USP28: variants seen among roughly 807,000 people sequenced by gnomAD.
USP28 encodes ubiquitin carboxyl-terminal hydrolase 28.
A neutral mutation model predicts 145.0 loss-of-function variants in USP28; 113 were observed. The ratio of observed to expected loss-of-function variants is 0.78; its 90% CI spans 0.67 to 0.91. The LOEUF is 0.91. Ranked by LOEUF, USP28 falls within the 40% of genes least tolerant of loss-of-function variation. USP28 has a pLI of 0.00. For synonymous variants in USP28, 447 were observed against 450.9 expected, an observed-to-expected ratio of 0.99 and a Z score of 0.11; for missense variants, 1,201 against 1,289.6, an observed-to-expected ratio of 0.93 and a Z score of 1.05.
At chr11:113,863,706 G>A (rs370650853) in intron 1 of USP28, among the ~76,000 whole-genome samples, 2 of 151,658 alleles carry the variant, frequency 1.3e-5, no homozygotes, top group East Asian at 3.9e-4. Flanking sequence ...AGCACTTTGG[G>A]AGGCTGAGGC....
chr11:113,821,351 C>G (rs969080171), intron 12 of USP28: 13 of 227,922 alleles, frequency 5.7e-5, no homozygotes, highest in African/African-American at 3.0e-4. Context: ...GTCCTGTGTC[C>G]AGCATCTCAC....
At chr11:113,875,354 C>T in intron 1 of USP28, 91 bp downstream of exon 1, 1 of 1,066,910 alleles carries the variant, frequency 9.4e-7, no homozygotes, top group Non-Finnish European at 1.2e-6. Flanking sequence ...GCGCCCTCCG[C>T]AGCCCGCAAC....
Position 113,829,355 on chromosome 11 carries a change from G to C in USP28, c.911-10C>G. Reference sequence around the variant, plus strand: ...TTACAAAAGGGTTTTCCTAGGCAAAGAGAGAGACTTTTTAAAAAAGACATC... The same window carrying C: ...TTACAAAAGGGTTTTCCTAGGCAAACAGAGAGACTTTTTAAAAAAGACATC... On this transcript the variant is annotated splice_polypyrimidine_tract_variant and intron_variant, in intron 9 of 24. Transcript: ENST00000003302. The C allele has an allele frequency of 6.2e-7, 1 of 1,611,890 alleles. No homozygotes were observed. Among genetic ancestry groups the C allele is most frequent in the South Asian group, 1.1e-5 (1 of 91,034 alleles).
exon 11 of USP28, chr11:113,827,359 C>T (rs781721345): frequency 7.5e-6 from 12 of 1,590,310 alleles, no homozygotes; most frequent in Admixed American, 7.4e-5. Flanking sequence ...TGTAAACCAA[C>T]GCTAGTGTCA....
chr11:113,854,143 A>C (rs1443900499), intron 2 of USP28, 115 bp downstream of exon 2: 2 of 902,386 alleles, frequency 2.2e-6, no homozygotes, highest in African/African-American at 3.4e-5. Flanking sequence ...TGACCTGTAG[A>C]GCTTCTGTCC....
At chr11:113,840,481 A>G (rs998452163) in intron 5 of USP28, 117 bp downstream of exon 5, 3 of 1,321,478 alleles carry the variant, frequency 2.3e-6, no homozygotes, top group South Asian at 3.1e-5. Context: ...TGCCAGAAAA[A>G]CTCCCCTAAT....
chr11:113,827,110 A>G (rs1157985475), intron 11 of USP28, 123 bp downstream of exon 11: 1 of 1,263,310 alleles, frequency 7.9e-7, no homozygotes, highest in Non-Finnish European at 1.1e-6. Flanking sequence ...ACCTAGACTC[A>G]TAGAATCCAA....
At chr11:113,867,201 G>T (rs1948357614) in intron 1 of USP28, among the ~76,000 whole-genome samples, 1 of 152,128 alleles carries the variant, frequency 6.6e-6, no homozygotes, top group African/African-American at 2.4e-5. Context: ...AAATGTTTTA[G>T]AACTAGACGG....
chr11:113,806,636 G>A (rs1940020583), intron 18 of USP28, 52 bp from the exon 20 acceptor site: 1 of 1,307,508 alleles, frequency 7.6e-7, no homozygotes, highest in Non-Finnish European at 1.1e-6. Flanking sequence ...GAAAGGTTCA[G>A]CAGAAGACTG....
chr11:113,843,069 A>G (rs1945388514), intron 3 of USP28, among the ~76,000 whole-genome samples: 1 of 152,088 alleles, frequency 6.6e-6, no homozygotes, highest in Non-Finnish European at 1.5e-5. Flanking sequence ...CGTCTCTACT[A>G]AAAATACAAA....
intron 21 of USP28, among the ~76,000 whole-genome samples, chr11:113,804,400 A>G (rs1939576447): frequency 6.6e-6 from 1 of 152,226 alleles, no homozygotes; most frequent in Non-Finnish European, 1.5e-5. Context: ...AACCAAAAGC[A>G]TGATTTCAAG....
chr11:113,841,836 A>G, intron 3 of USP28, 68 bp from the exon 4 acceptor site: 2 of 1,113,450 alleles, frequency 1.8e-6, no homozygotes, highest in Non-Finnish European at 2.6e-6. Context: ...ATATAAGAAA[A>G]AGGTAAAGAC....
intron 2 of USP28, among the ~76,000 whole-genome samples, chr11:113,853,387 A>G (rs961766261): frequency 4.6e-5 from 7 of 151,948 alleles, no homozygotes; most frequent in African/African-American, 1.7e-4. Context: ...TTTTATGAGG[A>G]AACATTTCTA....
intron 5 of USP28, 113 bp downstream of exon 5, chr11:113,840,485 C>A: frequency 1.5e-6 from 2 of 1,348,724 alleles, no homozygotes; most frequent in Non-Finnish European, 2.0e-6. Flanking sequence ...AGAAAAACTC[C>A]CCTAATTTTA....
At chr11:113,807,663 T>C (rs756769940) in intron 18 of USP28, among the ~76,000 whole-genome samples, 1 of 152,088 alleles carries the variant, frequency 6.6e-6, no homozygotes, top group African/African-American at 2.4e-5. Flanking sequence ...CTTTTGTCCA[T>C]AATACCAAAA....
chr11:113,852,949 C>T (rs538281826), intron 2 of USP28, among the ~76,000 whole-genome samples: 25 of 151,998 alleles, frequency 1.6e-4, no homozygotes, highest in African/African-American at 5.8e-4. Context: ...CACGATGTGT[C>T]AAAAAAGGGG....
Position 113,809,170 on chromosome 11 carries a change from C to T in USP28, c.2057G>A (p.Trp686Ter). The change falls in exon 17 of 25, where the codon TGG becomes TAG. Residue 686 changes from tryptophan to a stop codon, truncating the protein, a stop_gained. Transcript: ENST00000003302. LOFTEE classifies it high-confidence loss of function. ...CTCCTCTACTTCCTGCTCAAACCGC[C>T]AGTTATCCTCCTGAATGTAATGCTT... is the stretch of plus-strand genomic sequence containing the variant. The T allele has an allele frequency of 1.2e-6, 2 of 1,614,218 alleles. No individual in the cohort carries two copies. The highest frequency in any genetic ancestry group is 1.7e-6 in the Non-Finnish European group (2 of 1,180,040).
chr11:113,809,596 G>T (rs1424325969), intron 16 of USP28, among the ~76,000 whole-genome samples: 1 of 152,208 alleles, frequency 6.6e-6, no homozygotes, highest in African/African-American at 2.4e-5. Flanking sequence ...TGTGGATTTT[G>T]GAGCATTTGG....
intron 1 of USP28, among the ~76,000 whole-genome samples, chr11:113,871,447 G>A (rs1948805534): frequency 6.6e-6 from 1 of 152,142 alleles, no homozygotes; most frequent in South Asian, 2.1e-4. Flanking sequence ...ACTCTGTTTA[G>A]AGGGGCTTAC....
Sources: allele counts gnomAD v4.1 joint callset (sites outside exome capture counted in the v4.1 genomes callset), GRCh38; gene constraint gnomAD v4.1.1; transcripts MANE v1.5; gene names NCBI Gene and HGNC (gene_info 2026-07-23, HGNC 2026-07-21).